DLGAP2: variants seen among roughly 807,000 people sequenced by gnomAD.
DLGAP2 encodes DLG associated protein 2, also known as disks large-associated protein 2.
Under a neutral mutation model 100.3 loss-of-function variants are expected in DLGAP2, and 26 were observed. The observed-to-expected ratio is 0.26, with a 90% CI of 0.19 to 0.36. The LOEUF is 0.36. DLGAP2 is among the 10% of genes least tolerant of loss of function. DLGAP2 has a pLI of 1.00. For synonymous variants in DLGAP2, 886 were observed against 630.1 expected (o/e 1.41, Z -6.08); for missense variants, 1,858 against 1,453.2 (o/e 1.28, Z -4.53).
intron 1 of DLGAP2, among the ~76,000 whole-genome samples, chr8:806,931 TG>T (rs1796281926): frequency 6.6e-6 from 1 of 152,182 alleles, no homozygotes; most frequent in African/African-American, 2.4e-5. Flanking sequence ...AACCGCACTG[TG>T]TGGCTGGGGT....
chr8:1,455,006 C>T (rs1486102209), intron 3 of DLGAP2, among the ~76,000 whole-genome samples: 2 of 152,172 alleles, frequency 1.3e-5, no homozygotes, highest in South Asian at 2.1e-4. Context: ...CACCCGTGAG[C>T]ACTGTCAGCT....
chr8:1,165,375 G>C lies in DLGAP2; in HGVS notation c.74-93476G>C, dbSNP rs989870351. Among the ~76,000 whole-genome samples the C allele has an allele frequency of 3.9e-5, 6 of 152,340 alleles. No homozygotes were observed. In the South Asian group the frequency reaches 1.2e-3, roughly 32 times the overall value. On this transcript the variant is annotated intron_variant, in intron 2 of 14. Transcript: ENST00000637795. ...GACCATCGGCCGTTGGCTACCAAGC[G>C]CTGGCACAGCCGGGCTCGGGTCTTA...
At chr8:1,538,973 C>T (rs1392084220) in intron 4 of DLGAP2, among the ~76,000 whole-genome samples, 2 of 151,822 alleles carry the variant, frequency 1.3e-5, no homozygotes, top group Admixed American at 6.6e-5. Flanking sequence ...GCAACCTCCA[C>T]CTCCCAGGCT....
intron 3 of DLGAP2, among the ~76,000 whole-genome samples, chr8:1,458,107 C>T (rs35084933): frequency 0.11 from 16,394 of 147,586 alleles, 1,274 homozygotes; most frequent in Non-Finnish European, 0.17. Context: ...GGGGTTTCAC[C>T]ATGTTGGCCA....
In DLGAP2 at chr8:813,051, G is replaced by T. The variant is rs568745778; in HGVS notation, c.18+75226G>T. 9.9e-5 allele frequency among the ~76,000 whole-genome samples: 15 copies of T among 152,126 alleles called. No homozygotes were observed. The South Asian group carries it at 2.9e-3, about 30-fold the overall frequency. On this transcript the variant is annotated intron_variant, in intron 1 of 14. Transcript: ENST00000637795. Reference sequence around the variant, plus strand: ...CACATGTAATTTTTCATAATACCCCGGTATGCTTTGCTATAGCTGCTTCTT... The same window carrying T: ...CACATGTAATTTTTCATAATACCCCTGTATGCTTTGCTATAGCTGCTTCTT...
chr8:973,512 G>A (rs549924518), intron 2 of DLGAP2, among the ~76,000 whole-genome samples: 12 of 151,728 alleles, frequency 7.9e-5, no homozygotes, highest in South Asian at 4.2e-4. Flanking sequence ...CATCTCAGAC[G>A]ATGGGCGGCC....
chr8:1,472,691 G>C (rs1428960433), intron 3 of DLGAP2, among the ~76,000 whole-genome samples: 1 of 152,178 alleles, frequency 6.6e-6, no homozygotes. Context: ...GCAGCTGCCA[G>C]CCAGCCACAG....
chr8:746,735 C>T (rs1249561257), intron 1 of DLGAP2, among the ~76,000 whole-genome samples: 1 of 152,208 alleles, frequency 6.6e-6, no homozygotes, highest in Admixed American at 6.5e-5. Context: ...AAGTCCCACA[C>T]AAAACAGAAA....
intron 2 of DLGAP2, among the ~76,000 whole-genome samples, chr8:1,031,764 C>T (rs1019021914): frequency 6.6e-6 from 1 of 152,206 alleles, no homozygotes; most frequent in Admixed American, 6.5e-5. Context: ...TTATTTAGTA[C>T]ATTTTTATTA....
chr8:782,247 AC>A (rs1585857293), intron 1 of DLGAP2, among the ~76,000 whole-genome samples: 2 of 150,666 alleles, frequency 1.3e-5, no homozygotes, highest in African/African-American at 2.4e-5. Context: ...TAAAAAAAAA[AC>A]AGAAGAGAGG....
intron 2 of DLGAP2, among the ~76,000 whole-genome samples, chr8:998,143 A>G (rs1203356118): frequency 6.6e-6 from 1 of 152,160 alleles, no homozygotes; most frequent in African/African-American, 2.4e-5. Context: ...ACACATGTGC[A>G]TACACAACAC....
chr8:1,604,905 G>A (rs58068411), intron 6 of DLGAP2, among the ~76,000 whole-genome samples: 6 of 152,168 alleles, frequency 3.9e-5, no homozygotes, highest in Non-Finnish European at 8.8e-5. Flanking sequence ...CGTTAGAATC[G>A]CTGAGCTTAG....
chr8:774,624 G>A (rs1213247486), intron 1 of DLGAP2, among the ~76,000 whole-genome samples: 10 of 150,756 alleles, frequency 6.6e-5, no homozygotes, highest in Non-Finnish European at 3.0e-5. Flanking sequence ...CCCATTGCTT[G>A]TTTTTCTCAG....
chr8:1,259,495 C>G (rs768154286), intron 3 of DLGAP2: 3 of 152,218 alleles, frequency 2.0e-5, no homozygotes, highest in Admixed American at 6.5e-5. Flanking sequence ...GTGATAAACA[C>G]CTGACCCCTA....
intron 4 of DLGAP2, among the ~76,000 whole-genome samples, chr8:1,543,793 G>T (rs1177064264): frequency 6.6e-6 from 1 of 152,340 alleles, no homozygotes; most frequent in South Asian, 2.1e-4. Flanking sequence ...TAACCATTAA[G>T]TCTGCCAATC....
intron 3 of DLGAP2, among the ~76,000 whole-genome samples, chr8:1,391,860 G>A (rs1470356999): frequency 5.9e-5 from 9 of 152,234 alleles, no homozygotes; most frequent in Non-Finnish European, 1.2e-4. Flanking sequence ...CAAGACCCGA[G>A]TATGTGTCTT....
In DLGAP2 at chr8:1,466,029, C is replaced by T. The variant is rs114028881; in HGVS notation, c.107-35337C>T. ...GCCGTGGGAGTCATGAGGCGGGCAC[C>T]GTGGGCGAAAGCCGGTTGCATCCAT... On this transcript the variant is annotated intron_variant, in intron 3 of 14. Transcript: ENST00000637795. Among the ~76,000 whole-genome samples the T allele has an allele frequency of 6.1e-3, 932 of 152,284 alleles. 13 individuals carry two copies. Among genetic ancestry groups the T allele is most frequent in the African/African-American group, 0.021 (853 of 41,542 alleles).
At chr8:758,743 G>A (rs987251881) in intron 1 of DLGAP2, among the ~76,000 whole-genome samples, 14 of 151,980 alleles carry the variant, frequency 9.2e-5, no homozygotes, top group Admixed American at 5.9e-4. Flanking sequence ...TGTATTTTTT[G>A]TAGAAATGTG....
At chr8:1,252,079 G>C (rs989897711) in intron 2 of DLGAP2, among the ~76,000 whole-genome samples, 5 of 144,336 alleles carry the variant, frequency 3.5e-5, no homozygotes, top group East Asian at 2.0e-4. Flanking sequence ...TGTCGTGTGG[G>C]TGTGTTGTGT....
Sources: gnomAD v4.1 joint callset for allele counts (sites outside exome capture counted in the v4.1 genomes callset) on GRCh38, gnomAD v4.1.1 for gene constraint, MANE v1.5 for transcripts, NCBI Gene and HGNC (gene_info 2026-07-23, HGNC 2026-07-21) for gene names.